Variants in PTPN4 observed in about 807,000 individuals in gnomAD.
PTPN4 encodes tyrosine-protein phosphatase non-receptor type 4.
Under a neutral mutation model 135.5 loss-of-function variants are expected in PTPN4, and 49 were observed. The observed-to-expected ratio is 0.36, with a 90% CI of 0.29 to 0.46. The LOEUF (loss-of-function observed/expected upper bound fraction) is 0.46, where lower values mean the gene tolerates loss of function less well. PTPN4 is among the 20% of genes least tolerant of loss of function. PTPN4 has a pLI of 1.00. For missense variants in PTPN4, 860 were observed against 1,101.0 expected (o/e 0.78, Z 3.10); for synonymous variants, 333 against 369.9 (o/e 0.90, Z 1.14).
intron 2 of PTPN4, among the ~76,000 whole-genome samples, chr2:119,818,287 T>G (rs1352373297): frequency 6.6e-6 from 1 of 152,206 alleles, no homozygotes; most frequent in African/African-American, 2.4e-5. Context: ...TCTTGTCTCT[T>G]GATTGTCAGT....
At chr2:119,795,273 G>A (rs1436617067) in intron 1 of PTPN4, among the ~76,000 whole-genome samples, 2 of 152,206 alleles carry the variant, frequency 1.3e-5, no homozygotes, top group African/African-American at 4.8e-5. Flanking sequence ...CCAGCCCCCA[G>A]GCTTCAGGCT....
At chr2:119,899,693 C>G (rs1417944881) in intron 9 of PTPN4, among the ~76,000 whole-genome samples, 2 of 152,058 alleles carry the variant, frequency 1.3e-5, no homozygotes, top group Admixed American at 6.6e-5. Flanking sequence ...CATCTTGATC[C>G]AAACTTCTAA....
chr2:119,882,731 G>A, intron 8 of PTPN4, 108 bp downstream of exon 8: 1 of 917,494 alleles, frequency 1.1e-6, no homozygotes, highest in Non-Finnish European at 1.5e-6. Flanking sequence ...AACAATTACT[G>A]TTACCTAAAA....
At chr2:119,886,195 A>T (rs1219957191) in intron 9 of PTPN4, among the ~76,000 whole-genome samples, 4 of 152,168 alleles carry the variant, frequency 2.6e-5, no homozygotes, top group South Asian at 2.1e-4. Flanking sequence ...TGGCTTTTGT[A>T]TACTTTTATA....
chr2:119,789,545 G>A (rs1380140901), intron 1 of PTPN4, among the ~76,000 whole-genome samples: 1 of 152,062 alleles, frequency 6.6e-6, no homozygotes, highest in Non-Finnish European at 1.5e-5. Flanking sequence ...TCTAAGAGTT[G>A]TGTATGCAGG....
At chr2:119,955,597 G>GT (rs1468831318) in intron 20 of PTPN4, among the ~76,000 whole-genome samples, 1 of 152,056 alleles carries the variant, frequency 6.6e-6, no homozygotes, top group East Asian at 1.9e-4. Context: ...TTAAATAGCT[G>GT]TTTTTTTGAA....
At chr2:119,951,312 A>G (rs984321247) in intron 18 of PTPN4, among the ~76,000 whole-genome samples, 2 of 152,166 alleles carry the variant, frequency 1.3e-5, no homozygotes, top group African/African-American at 4.8e-5. Context: ...GACTCTATTT[A>G]TGGTCCATTC....
chr2:119,939,660 C>T (rs924080508), intron 15 of PTPN4, among the ~76,000 whole-genome samples: 4 of 152,112 alleles, frequency 2.6e-5, no homozygotes, highest in African/African-American at 9.7e-5. Context: ...CTATTCCATT[C>T]TAGTCTTATC....
intron 1 of PTPN4, among the ~76,000 whole-genome samples, chr2:119,764,077 G>A (rs979285197): frequency 6.6e-6 from 1 of 152,142 alleles, no homozygotes; most frequent in African/African-American, 2.4e-5. Flanking sequence ...CAAGCATTAT[G>A]TCTGAAAGGA....
At chr2:119,961,457 A>G (rs1679365441) in intron 23 of PTPN4, among the ~76,000 whole-genome samples, 1 of 152,198 alleles carries the variant, frequency 6.6e-6, no homozygotes, top group South Asian at 2.1e-4. Flanking sequence ...GAACCCTCCT[A>G]TTGTGGGTTT....
intron 2 of PTPN4, among the ~76,000 whole-genome samples, chr2:119,839,319 A>C (rs1677345297): frequency 6.6e-6 from 1 of 152,146 alleles, no homozygotes; most frequent in Non-Finnish European, 1.5e-5. Flanking sequence ...GATGCTCAAT[A>C]TATATTTATT....
intron 1 of PTPN4, among the ~76,000 whole-genome samples, chr2:119,795,531 T>C (rs56414520): frequency 0.26 from 39,527 of 152,230 alleles, 5,240 homozygotes; most frequent in South Asian, 0.33. Flanking sequence ...CATACCTGGC[T>C]GGGTTGTGAC....
chr2:119,920,058 A>G lies in PTPN4; in HGVS notation c.829-11A>G. 1 of 1,593,896 alleles carries G rather than the reference A, an allele frequency of 6.3e-7. No homozygotes were observed. On this transcript the variant is annotated splice_polypyrimidine_tract_variant and intron_variant, in intron 11 of 26. Transcript: ENST00000263708. The stretch of plus-strand genomic sequence containing the variant: ...TTCCTGGTATTCTCTGCATTTTGTC[A>G]TTTATTACAGCATGAATCTAGAGAA...
intron 3 of PTPN4, among the ~76,000 whole-genome samples, chr2:119,872,671 G>A (rs1183311497): frequency 2.0e-5 from 3 of 152,038 alleles, no homozygotes; most frequent in Non-Finnish European, 4.4e-5. Flanking sequence ...ATCTGTAGCA[G>A]TGATGATACT....
intron 18 of PTPN4, 26 bp from the exon 19 acceptor site, chr2:119,951,947 G>T: frequency 6.5e-7 from 1 of 1,545,314 alleles, no homozygotes; most frequent in South Asian, 1.3e-5. Context: ...ATGCCAATCT[G>T]AAACCTTATC....
intron 2 of PTPN4, among the ~76,000 whole-genome samples, chr2:119,860,260 A>G (rs1677742958): frequency 6.6e-6 from 1 of 152,338 alleles, no homozygotes; most frequent in South Asian, 2.1e-4. Context: ...GGGGGCCAAC[A>G]TTGAGAAGCT....
Position 119,915,260 on chromosome 2 carries a change from AATT to A in PTPN4, c.828+22_828+24del. Reference sequence around the variant, plus strand: ...AAGAATTGGTGAGTACGGATTTAATAATTATTGACATAAATGAAGCCTTTTAAG... The same window carrying A: ...AAGAATTGGTGAGTACGGATTTAATAATTGACATAAATGAAGCCTTTTAAG... On this transcript the variant is annotated intron_variant, in intron 11 of 26. Coordinates refer to ENST00000263708, the MANE Select transcript of PTPN4 (RefSeq NM_002830.4). The A allele has an allele frequency of 6.7e-7, 1 of 1,494,760 alleles. No homozygotes were observed. The highest frequency in any genetic ancestry group is 9.0e-7 in the Non-Finnish European group (1 of 1,116,706). The allele number at this position is 1,494,760 out of a possible 1,614,324, so 92.6% of individuals were successfully genotyped here. A position where few individuals can be genotyped will look rare whatever the true frequency, so the allele number is the denominator to read the frequency against.
At chr2:119,934,168 TC>T (rs1440413881) in intron 14 of PTPN4, among the ~76,000 whole-genome samples, 1 of 152,212 alleles carries the variant, frequency 6.6e-6, no homozygotes, top group Non-Finnish European at 1.5e-5. Context: ...GGCCCTGGAA[TC>T]ACTGTATGCT....
At chr2:119,968,563 G>A (rs546252905) in intron 26 of PTPN4, among the ~76,000 whole-genome samples, 4 of 152,098 alleles carry the variant, frequency 2.6e-5, no homozygotes, top group Admixed American at 1.3e-4. Context: ...AGGCCGAGGC[G>A]GGCGGATCAC....
Sources: gnomAD v4.1 joint callset for allele counts (sites outside exome capture counted in the v4.1 genomes callset) on GRCh38, gnomAD v4.1.1 for gene constraint, MANE v1.5 for transcripts, NCBI Gene and HGNC (gene_info 2026-07-23, HGNC 2026-07-21) for gene names.